The following MAP2K4 variants were observed in gnomAD, a reference collection of about 807,000 sequenced individuals.
MAP2K4 encodes the protein dual specificity mitogen-activated protein kinase kinase 4.
MAP2K4 carries 4 observed loss-of-function variants against 48.5 expected under a neutral mutation model. That is an observed-to-expected ratio of 0.08 (90% CI 0.04 to 0.19). The LOEUF is 0.19. MAP2K4 is among the 10% of genes least tolerant of loss of function. The pLI, the probability that MAP2K4 is intolerant of heterozygous loss-of-function variation, is 1.00. For synonymous variants in MAP2K4, 166 were observed against 173.1 expected, an observed-to-expected ratio of 0.96 and a Z score of 0.32; for missense variants, 258 against 493.3, an observed-to-expected ratio of 0.52 and a Z score of 4.52.
intron 3 of MAP2K4, among the ~76,000 whole-genome samples, chr17:12,086,102 G>C (rs1971352236): frequency 6.6e-6 from 1 of 152,106 alleles, no homozygotes. Context: ...TGCTTTGTTA[G>C]GCCATTTTAT....
At chr17:12,100,611 A>T (rs1971907823) in intron 4 of MAP2K4, among the ~76,000 whole-genome samples, 1 of 152,156 alleles carries the variant, frequency 6.6e-6, no homozygotes, top group African/African-American at 2.4e-5. Flanking sequence ...TGGTAGGTGT[A>T]TGTTTAACTT....
intron 7 of MAP2K4, among the ~76,000 whole-genome samples, chr17:12,120,183 G>A (rs952940522): frequency 4.6e-5 from 7 of 152,116 alleles, no homozygotes; most frequent in African/African-American, 7.2e-5. Flanking sequence ...AAATTAGGCC[G>A]GGCGCGGTGG....
rs189455338 is a variant in MAP2K4, at chr17:12,033,213, C to G, written c.115+12212C>G. 2.0e-5 allele frequency among the ~76,000 whole-genome samples: 3 copies of G among 152,282 alleles called. No homozygotes were observed. The East Asian group carries it at 5.8e-4, about 29-fold the overall frequency. ...AAAATCTCATCTCAAGGAGACTACT[C>G]TCCAGTTAACATAAAAATATACCAA... On this transcript the variant is annotated intron_variant, in intron 1 of 10. Coordinates refer to ENST00000353533, the MANE Select transcript of MAP2K4 (RefSeq NM_003010.4).
chr17:12,102,307 T>C (rs1971961215), intron 4 of MAP2K4, among the ~76,000 whole-genome samples: 1 of 152,148 alleles, frequency 6.6e-6, no homozygotes, highest in South Asian at 2.1e-4. Flanking sequence ...TAATGGTGAG[T>C]TATATGAATT....
In MAP2K4 at chr17:12,110,155, TTG is replaced by T. The variant is rs200845855; in HGVS notation, c.634-218_634-217del. Among the ~76,000 whole-genome samples the T allele has an allele frequency of 2.6e-3, 390 of 152,084 alleles. 6 individuals are homozygous for T. Among genetic ancestry groups the T allele is most frequent in the East Asian group, 3.9e-3 (20 of 5,188 alleles). ...TTATAAGTCTAAGTTACTGGGTTTT[TTG>T]TTTGTTTGAGCTATCAGGGAACAGC... On this transcript the variant is annotated intron_variant, in intron 5 of 10. Transcript: ENST00000353533.
intron 2 of MAP2K4, among the ~76,000 whole-genome samples, chr17:12,063,649 A>T (rs1382568860): frequency 2.6e-5 from 4 of 152,124 alleles, no homozygotes; most frequent in African/African-American, 9.7e-5. Context: ...AAAATTAAAA[A>T]TTTCTGCTCA....
chr17:12,024,381 G>A (rs1263255140), intron 1 of MAP2K4, among the ~76,000 whole-genome samples: 2 of 152,160 alleles, frequency 1.3e-5, no homozygotes, highest in Non-Finnish European at 2.9e-5. Flanking sequence ...TTTTGCCACT[G>A]TCCCTCAGAT....
chr17:12,122,039 G>A (rs1357265121), intron 7 of MAP2K4, among the ~76,000 whole-genome samples: 1 of 152,078 alleles, frequency 6.6e-6, no homozygotes, highest in African/African-American at 2.4e-5. Flanking sequence ...TAAAAACTTG[G>A]GACCCCAATT....
In MAP2K4 at chr17:12,143,036, GATT is replaced by G. The variant is rs1973421787; in HGVS notation, c.*1779_*1781del. 4.3e-6 allele frequency: 1 copy of G among 233,028 alleles called. No homozygotes were observed. Among genetic ancestry groups the G allele is most frequent in the East Asian group, 6.0e-5 (1 of 16,556 alleles). 14.4% of individuals were successfully genotyped at this position (233,028 alleles called of 1,614,324 possible). A position where few individuals can be genotyped will look rare whatever the true frequency, so the allele number is the denominator to read the frequency against. ...CCTGTAAATTGCAGAATTCAAAAGT[GATT>G]ATCTCTTTGATCTACTTGCCTCATT... On this transcript the variant is annotated 3_prime_UTR_variant, in exon 11 of 11. Coordinates refer to ENST00000353533, the MANE Select transcript of MAP2K4 (RefSeq NM_003010.4).
intron 2 of MAP2K4, among the ~76,000 whole-genome samples, chr17:12,077,764 A>G (rs900519459): frequency 6.6e-6 from 1 of 152,188 alleles, no homozygotes; most frequent in Non-Finnish European, 1.5e-5. Flanking sequence ...AAAATACCAC[A>G]TACTAGGTGG....
At chr17:12,025,720 A>G (rs893643341) in intron 1 of MAP2K4, among the ~76,000 whole-genome samples, 4 of 152,206 alleles carry the variant, frequency 2.6e-5, no homozygotes, top group African/African-American at 9.7e-5. Context: ...CTGCTTTAGA[A>G]AACACGCCCA....
chr17:12,053,603 T>A (rs1479844363), intron 1 of MAP2K4, among the ~76,000 whole-genome samples: 2 of 152,218 alleles, frequency 1.3e-5, no homozygotes, highest in South Asian at 4.1e-4. Context: ...CCTTTGCACA[T>A]GTTGTTTGAA....
At chr17:12,043,576 A>G (rs1969864859) in intron 1 of MAP2K4, among the ~76,000 whole-genome samples, 1 of 152,150 alleles carries the variant, frequency 6.6e-6, no homozygotes, top group Non-Finnish European at 1.5e-5. Context: ...CACAACCCCC[A>G]TCAAGTTTGA....
intron 1 of MAP2K4, among the ~76,000 whole-genome samples, chr17:12,023,791 T>C (rs966081297): frequency 7.9e-5 from 12 of 152,312 alleles, no homozygotes; most frequent in Admixed American, 3.9e-4. Flanking sequence ...ATATGCGTTT[T>C]GTGACCAGGG....
At chr17:12,135,786 G>T (rs1162150970) in intron 9 of MAP2K4, among the ~76,000 whole-genome samples, 7 of 152,126 alleles carry the variant, frequency 4.6e-5, no homozygotes, top group Admixed American at 4.6e-4. Flanking sequence ...CTGACCTCAG[G>T]TGATCCGCCT....
intron 1 of MAP2K4, among the ~76,000 whole-genome samples, chr17:12,051,529 T>G (rs1464138294): frequency 6.6e-6 from 1 of 152,204 alleles, no homozygotes; most frequent in Non-Finnish European, 1.5e-5. Context: ...TTATCTGTGT[T>G]GACTGGTTAG....
intron 3 of MAP2K4, among the ~76,000 whole-genome samples, chr17:12,092,477 A>T (rs1021457296): frequency 6.6e-6 from 1 of 152,164 alleles, no homozygotes; most frequent in Non-Finnish European, 1.5e-5. Context: ...TATTGTTTTG[A>T]TGGTTCATTA....
In MAP2K4 at chr17:12,087,502, T is replaced by C. The variant is rs373735756; in HGVS notation, c.393+5972T>C. ...GGGCAGCTCTTCCCATAATGTAATA[T>C]AACACATGCTTTTGGAACTGAACTC... On this transcript the variant is annotated intron_variant, in intron 3 of 10. Transcript: ENST00000353533. Among the ~76,000 whole-genome samples, 167 of 152,264 alleles carry C rather than the reference T, an allele frequency of 1.1e-3. 4 individuals are homozygous for C. In the South Asian group the frequency reaches 0.034, roughly 31 times the overall value.
intron 2 of MAP2K4, among the ~76,000 whole-genome samples, chr17:12,077,237 A>C (rs1971041585): frequency 6.6e-6 from 1 of 152,230 alleles, no homozygotes; most frequent in Non-Finnish European, 1.5e-5. Context: ...ATTTGGAGAC[A>C]GTTAGCATCA....
Sources: allele counts gnomAD v4.1 joint callset (sites outside exome capture counted in the v4.1 genomes callset), GRCh38; gene constraint gnomAD v4.1.1; transcripts MANE v1.5; gene names NCBI Gene and HGNC (gene_info 2026-07-23, HGNC 2026-07-21).